Variants in ACSM3 observed in about 807,000 individuals in gnomAD.
ACSM3 encodes the protein acyl-CoA synthetase medium chain family member 3.
A neutral mutation model predicts 74.1 loss-of-function variants in ACSM3; 61 were observed. That is an observed-to-expected ratio of 0.82 (90% CI 0.67 to 1.02). The LOEUF (loss-of-function observed/expected upper bound fraction) is 1.02. Among genes scored for constraint, ACSM3 ranks in the 50% least tolerant of loss-of-function variants. The pLI, the probability that ACSM3 is intolerant of heterozygous loss-of-function variation, is 0.00. For synonymous variants in ACSM3, 213 were observed against 241.5 expected (o/e 0.88, Z 1.09); for missense variants, 660 against 697.0 (o/e 0.95, Z 0.60).
intron 1 of ACSM3, chr16:20,738,715 A>G (rs574887013): frequency 1.8e-5 from 12 of 652,356 alleles, no homozygotes; most frequent in African/African-American, 7.3e-5. Context: ...TCATAAGCCA[A>G]TGCTACGTCC....
intron 1 of ACSM3, chr16:20,737,135 C>G: frequency 6.2e-7 from 1 of 1,614,162 alleles, no homozygotes; most frequent in South Asian, 1.1e-5. Context: ...CCTTAGGGCT[C>G]TTCACCACCT....
intron 1 of ACSM3, among the ~76,000 whole-genome samples, chr16:20,700,280 G>T (rs1284807601): frequency 1.3e-5 from 2 of 152,142 alleles, no homozygotes; most frequent in Non-Finnish European, 2.9e-5. Flanking sequence ...CAAGGTTGGT[G>T]CTCTCAAGAG....
intron 1 of ACSM3, chr16:20,738,310 CAA>C (rs200704193): frequency 0.027 from 5,838 of 218,714 alleles, no homozygotes; most frequent in South Asian, 0.034. Flanking sequence ...CACTTTTTTA[CAA>C]AAAAAAAAAA....
Position 20,797,201 on chromosome 16 carries a change from AC to A in ACSM3, c.*231del. 1 of 1,242,922 alleles carries A rather than the reference AC, an allele frequency of 8.0e-7. No homozygotes were observed. The highest frequency in any genetic ancestry group is 1.0e-6 in the Non-Finnish European group (1 of 992,574). 77.0% of individuals were successfully genotyped at this position (1,242,922 alleles called of 1,614,324 possible). A position where few individuals can be genotyped will look rare whatever the true frequency, so the allele number is the denominator to read the frequency against. ...TATCATTTCTTAATATAAAAATAAT[AC>A]CATCAATTGCTGATTAATTTTTAAA... On this transcript the variant is annotated 3_prime_UTR_variant, in exon 14 of 14. Transcript: ENST00000289416.
At chr16:20,771,514 A>G (rs2152456542) in intron 2 of ACSM3, among the ~76,000 whole-genome samples, 2 of 150,540 alleles carry the variant, frequency 1.3e-5, no homozygotes, top group South Asian at 4.2e-4. Context: ...GACTTATTTC[A>G]CTTAACATAA....
At chr16:20,792,679 A>G (rs937890747) in intron 12 of ACSM3, 2 of 985,450 alleles carry the variant, frequency 2.0e-6, no homozygotes, top group Non-Finnish European at 2.4e-6. Context: ...ATTGTTACCC[A>G]GAAGGTCTGG....
intron 1 of ACSM3, among the ~76,000 whole-genome samples, chr16:20,730,647 C>A (rs1292524064): frequency 1.3e-5 from 2 of 152,142 alleles, no homozygotes; most frequent in Non-Finnish European, 2.9e-5. Flanking sequence ...CCTCCTGCTG[C>A]CATGTTCTCA....
chr16:20,789,669 A>C (rs971127819), intron 9 of ACSM3: 2 of 682,314 alleles, frequency 2.9e-6, no homozygotes, highest in Non-Finnish European at 5.1e-6. Context: ...TATATTATAA[A>C]GCAACTCTAT....
intron 1 of ACSM3, chr16:20,728,108 T>C (rs2079813036): frequency 1.6e-5 from 4 of 251,324 alleles, no homozygotes; most frequent in Admixed American, 1.5e-4. Context: ...ATTGTCATGA[T>C]ATAGTTTCAG....
At position 20,777,695 on chromosome 16, in the gene ACSM3, C is replaced by T. The variant is rs1044116359; in HGVS notation, c.638+115C>T. On this transcript the variant is annotated intron_variant, in intron 4 of 13. Coordinates refer to ENST00000289416, the MANE Select transcript of ACSM3 (RefSeq NM_005622.4). Reference sequence around the variant, plus strand: ...AAATTAAAACAACAGGCAAAGGGAACAGTTGGTAGTTATTGCTGCACTAAT... The same window carrying T: ...AAATTAAAACAACAGGCAAAGGGAATAGTTGGTAGTTATTGCTGCACTAAT... 3.3e-6 allele frequency: 3 copies of T among 899,602 alleles called. No individual in the cohort carries two copies. In the African/African-American group the frequency reaches 5.1e-5, roughly 15 times the overall value. The allele number at this position is 899,602 out of a possible 1,614,324, so 55.7% of individuals were successfully genotyped here.
chr16:20,763,596 A>G (rs1483553178), upstream of ACSM3: 1 of 152,308 alleles, frequency 6.6e-6, no homozygotes, highest in East Asian at 1.9e-4. Flanking sequence ...AGATTTGAGC[A>G]GGGGAGTAAC....
intron 4 of ACSM3, among the ~76,000 whole-genome samples, chr16:20,778,677 A>G (rs1175897160): frequency 2.0e-5 from 3 of 152,122 alleles, no homozygotes; most frequent in Non-Finnish European, 1.5e-5. Flanking sequence ...CTCTAGTAAG[A>G]GATCAGTACA....
intron 1 of ACSM3, chr16:20,728,360 A>T (rs1054452672): frequency 7.9e-7 from 1 of 1,258,172 alleles, no homozygotes; most frequent in Non-Finnish European, 1.1e-6. Flanking sequence ...GAAAATTTTA[A>T]GAAAATCAAT....
intron 12 of ACSM3, 110 bp downstream of exon 12, chr16:20,792,445 T>G (rs755474030): frequency 1.1e-4 from 168 of 1,551,080 alleles, no homozygotes; most frequent in Non-Finnish European, 1.4e-4. Context: ...TTACTAAATA[T>G]GCAAGTCAGA....
At position 20,685,819 on chromosome 16, in the gene ACSM3, C is replaced by CAAAAAAAAAA. The variant is rs71842093; in HGVS notation, c.-190+11000_-190+11009dup. On this transcript the variant is annotated intron_variant, in intron 1 of 3. Coordinates refer to the ACSM3 transcript ENST00000561584. ...TGGATGACACAGTGAGACTCCGTCT[C>CAAAAAAAAAA]AAAAAAAAAAAACAAACAAAAAAAA... Among the ~76,000 whole-genome samples the CAAAAAAAAAA allele has an allele frequency of 3.6e-4, 18 of 50,118 alleles. 4 individuals are homozygous for CAAAAAAAAAA. Among genetic ancestry groups the CAAAAAAAAAA allele is most frequent in the South Asian group, 8.5e-4 (1 of 1,174 alleles). 32.9% of individuals were successfully genotyped at this position (50,118 alleles called of 152,430 possible). A position where few individuals can be genotyped will look rare whatever the true frequency, so the allele number is the denominator to read the frequency against.
At chr16:20,742,804 T>G (rs1047286570) in intron 1 of ACSM3, among the ~76,000 whole-genome samples, 1 of 56,678 alleles carries the variant, frequency 1.8e-5, no homozygotes, top group Admixed American at 2.2e-4. Flanking sequence ...TATATATATA[T>G]ATATATATAT....
At chr16:20,768,154 G>A (rs892847734) in intron 1 of ACSM3, among the ~76,000 whole-genome samples, 3 of 152,186 alleles carry the variant, frequency 2.0e-5, no homozygotes, top group African/African-American at 4.8e-5. Flanking sequence ...TTTGCATACA[G>A]TATCCCATTC....
At chr16:20,727,074 C>T (rs2152402115) in intron 1 of ACSM3, among the ~76,000 whole-genome samples, 1 of 152,272 alleles carries the variant, frequency 6.6e-6, no homozygotes, top group East Asian at 1.9e-4. Context: ...GCATTTTCTC[C>T]CACCTTTTAA....
intron 1 of ACSM3, chr16:20,734,837 C>CA (rs1194379291): frequency 5.3e-5 from 8 of 152,222 alleles, no homozygotes; most frequent in African/African-American, 1.7e-4. Flanking sequence ...CTAGGACTGT[C>CA]AGACTAGGGC....
Sources: gnomAD v4.1 joint callset for allele counts (sites outside exome capture counted in the v4.1 genomes callset) on GRCh38, gnomAD v4.1.1 for gene constraint, MANE v1.5 for transcripts, NCBI Gene and HGNC (gene_info 2026-07-23, HGNC 2026-07-21) for gene names.